The following USP14 variants were observed in gnomAD, a reference collection of about 807,000 sequenced individuals.
The protein encoded by USP14 is ubiquitin specific peptidase 14.
USP14 carries 38 observed loss-of-function variants against 76.5 expected under a neutral mutation model. The observed-to-expected ratio is 0.50, with a 90% CI of 0.38 to 0.65. USP14 has a LOEUF of 0.65. Among genes scored for constraint, USP14 ranks in the 30% least tolerant of loss-of-function variants. The probability of loss-of-function intolerance (pLI) is 0.00; values close to 1 mark genes in which losing one functional copy is unlikely to be tolerated. For missense variants in USP14, 467 were observed against 586.5 expected, an observed-to-expected ratio of 0.80 and a Z score of 2.10; for synonymous variants, 192 against 191.7, an observed-to-expected ratio of 1.00 and a Z score of -0.01.
chr18:177,063 G>T (rs495284), intron 3 of USP14, among the ~76,000 whole-genome samples: 1 of 152,068 alleles, frequency 6.6e-6, no homozygotes. Flanking sequence ...CAAGTCCAGA[G>T]CTTGTCATGT....
intron 5 of USP14, 87 bp downstream of exon 5, chr18:180,426 G>A (rs1225237238): frequency 2.6e-6 from 2 of 758,844 alleles, no homozygotes; most frequent in Non-Finnish European, 2.2e-6. Context: ...CATCTTAATT[G>A]AGATATAATT....
intron 3 of USP14, among the ~76,000 whole-genome samples, chr18:171,025 A>AAAAAAAAAAATATAT (rs1327304974): frequency 2.1e-5 from 1 of 47,684 alleles, no homozygotes; most frequent in African/African-American, 8.7e-5. Context: ...AAAAAAAAAA[A>AAAAAAAAAAATATAT]ATATATATAT....
At chr18:173,385 A>G (rs1420157475) in intron 3 of USP14, among the ~76,000 whole-genome samples, 1 of 151,016 alleles carries the variant, frequency 6.6e-6, no homozygotes, top group Non-Finnish European at 1.5e-5. Flanking sequence ...TGCTGGGATT[A>G]CAGGCTTGAG....
chr18:175,900 G>A (rs1598267819), intron 3 of USP14, among the ~76,000 whole-genome samples: 1 of 152,202 alleles, frequency 6.6e-6, no homozygotes, highest in East Asian at 1.9e-4. Context: ...AAGACTTTAA[G>A]AATTTAGTGT....
chr18:208,081 G>GTTTATTTTAT (rs1179630018), intron 13 of USP14, among the ~76,000 whole-genome samples: 1 of 151,424 alleles, frequency 6.6e-6, no homozygotes, highest in Non-Finnish European at 1.5e-5. Flanking sequence ...AGTTTTATTT[G>GTTTATTTTAT]TTTATTTTAT....
chr18:171,025 A>AAAAAAAAAAAATAT (rs1327304974), intron 3 of USP14, among the ~76,000 whole-genome samples: 1 of 47,684 alleles, frequency 2.1e-5, no homozygotes, highest in African/African-American at 8.7e-5. Context: ...AAAAAAAAAA[A>AAAAAAAAAAAATAT]ATATATATAT....
rs1190006787 is a variant in USP14 at position 199,431 on chromosome 18, G to A, written c.876+115G>A. ...TTTGTAGACATGTGCAGAGCAATAC[G>A]CATTTTGAGTTGCCCGATACACACA... On this transcript the variant is annotated intron_variant, in intron 10 of 15. Transcript: ENST00000261601. 11 of 690,954 alleles carry A rather than the reference G, an allele frequency of 1.6e-5. 1 individual carries two copies. Among genetic ancestry groups the A allele is most frequent in the Admixed American group, 1.2e-4 (4 of 34,718 alleles). The allele number at this position is 690,954 out of a possible 1,614,324, so 42.8% of individuals were successfully genotyped here.
chr18:187,895 TTATGA>T (rs1909976460), intron 5 of USP14, among the ~76,000 whole-genome samples: 1 of 152,306 alleles, frequency 6.6e-6, no homozygotes, highest in African/African-American at 2.4e-5. Context: ...TGATTATGAT[TTATGA>T]TATATTTATG....
intron 5 of USP14, among the ~76,000 whole-genome samples, chr18:192,493 A>C (rs1409169729): frequency 6.6e-6 from 1 of 152,164 alleles, no homozygotes; most frequent in Admixed American, 6.5e-5. Flanking sequence ...TGAACCCAGG[A>C]GGTAGAGGTT....
At chr18:164,144 A>AT (rs1328198914) in intron 2 of USP14, among the ~76,000 whole-genome samples, 2 of 152,044 alleles carry the variant, frequency 1.3e-5, no homozygotes, top group Admixed American at 6.6e-5. Context: ...TATTGTGTGA[A>AT]TTTTTTTTCC....
chr18:179,016 A>G lies in USP14; in HGVS notation c.279A>G (p.Thr93=), dbSNP rs1457571538. The change falls in exon 4 of 16, where the codon ACA becomes ACG. Residue 93 remains threonine, a synonymous_variant. Transcript: ENST00000261601. ...SAKTVFVEDM[T]EEQLASAMEL... ...AAACTGTCTTCGTAGAAGACATGAC[A>G]GAAGAACAGTTAGCATCTGCTGTAA... 1 of 1,611,620 alleles carries G rather than the reference A, an allele frequency of 6.2e-7. No homozygotes were observed. The highest frequency in any genetic ancestry group is 8.5e-7 in the Non-Finnish European group (1 of 1,179,170).
At chr18:193,723 A>G (rs1001346466) in intron 6 of USP14, among the ~76,000 whole-genome samples, 1 of 152,210 alleles carries the variant, frequency 6.6e-6, no homozygotes, top group East Asian at 1.9e-4. Flanking sequence ...TTCACTTAGT[A>G]TAATGTTTTC....
intron 5 of USP14, among the ~76,000 whole-genome samples, chr18:189,083 A>G (rs989599703): frequency 6.6e-6 from 1 of 151,352 alleles, no homozygotes; most frequent in African/African-American, 2.4e-5. Flanking sequence ...CTTAAGAGTT[A>G]TTCTACTATT....
At chr18:169,248 G>T (rs764369912) in intron 3 of USP14, among the ~76,000 whole-genome samples, 9 of 150,936 alleles carry the variant, frequency 6.0e-5, no homozygotes, top group Non-Finnish European at 1.2e-4. Context: ...AAAATTAGCC[G>T]AGTGTCATGG....
Position 197,609 on chromosome 18 carries a change from A to AT in USP14, c.595-5dup. 6.2e-7 allele frequency: 1 copy of AT among 1,605,994 alleles called. No individual in the cohort carries two copies. Among genetic ancestry groups the AT allele is most frequent in the Non-Finnish European group, 8.5e-7 (1 of 1,175,412 alleles). On this transcript the variant is annotated splice_region_variant and splice_polypyrimidine_tract_variant and intron_variant, in intron 7 of 15. Coordinates refer to ENST00000261601, the MANE Select transcript of USP14 (RefSeq NM_005151.4). ...GATTACTTACTTTGTCTTTTTTTAC[A>AT]TTACAGGATGCTAATGAATGTTGGA... is the stretch of plus-strand genomic sequence containing the variant.
intron 13 of USP14, among the ~76,000 whole-genome samples, chr18:209,137 T>C (rs985862995): frequency 6.6e-6 from 1 of 152,164 alleles, no homozygotes; most frequent in Non-Finnish European, 1.5e-5. Context: ...TTTTTTGTCT[T>C]CTTGTGGGTT....
At position 178,559 on chromosome 18, in the gene USP14, C is replaced by G. The variant is rs114384348; in HGVS notation, c.196-374C>G. 1.4e-3 allele frequency among the ~76,000 whole-genome samples: 206 copies of G among 152,230 alleles called. 2 individuals are homozygous for G. The highest frequency in any genetic ancestry group is 4.9e-3 in the African/African-American group (202 of 41,552). On this transcript the variant is annotated intron_variant, in intron 3 of 15. Coordinates refer to ENST00000261601, the MANE Select transcript of USP14 (RefSeq NM_005151.4). ...TGTCATGTAACCACTACCACAATCA[C>G]GATTTAGAAGTTTCATCACGAAAAA...
chr18:190,738 T>G (rs1290942399), intron 5 of USP14, among the ~76,000 whole-genome samples: 1 of 152,168 alleles, frequency 6.6e-6, no homozygotes, highest in Non-Finnish European at 1.5e-5. Context: ...TCATTACTTT[T>G]TATTTATTGA....
intron 3 of USP14, among the ~76,000 whole-genome samples, chr18:171,057 A>T (rs865792504): frequency 4.5e-5 from 5 of 110,274 alleles, no homozygotes; most frequent in African/African-American, 1.3e-4. Context: ...TATATATATA[A>T]ACTGAAGCTA....
Sources: gnomAD v4.1 joint callset for allele counts (sites outside exome capture counted in the v4.1 genomes callset) on GRCh38, gnomAD v4.1.1 for gene constraint, MANE v1.5 for transcripts, NCBI Gene and HGNC (gene_info 2026-07-23, HGNC 2026-07-21) for gene names.